The following COL20A1 variants were observed in gnomAD, a reference collection of about 807,000 sequenced individuals.
COL20A1 encodes collagen type XX alpha 1 chain.
Under a neutral mutation model 152.9 loss-of-function variants are expected in COL20A1, and 164 were observed. The ratio of observed to expected loss-of-function variants is 1.07; its 90% CI spans 0.94 to 1.22. The LOEUF (loss-of-function observed/expected upper bound fraction) is 1.22, where lower values mean the gene tolerates loss of function less well. Ranked by LOEUF, COL20A1 falls within the 50% of genes most tolerant of loss-of-function variation. The pLI, the probability that COL20A1 is intolerant of heterozygous loss-of-function variation, is 0.00. For synonymous variants in COL20A1, 864 were observed against 756.0 expected (o/e 1.14, Z -2.34); for missense variants, 1,873 against 1,744.8 (o/e 1.07, Z -1.31).
Position 63,312,054 on chromosome 20 carries a change from A to T in COL20A1, c.1802A>T (p.Gln601Leu). 1 of 1,567,528 alleles carries T rather than the reference A, an allele frequency of 6.4e-7. No homozygotes were observed. Among genetic ancestry groups the T allele is most frequent in the Middle Eastern group, 1.9e-4 (1 of 5,352 alleles). Residue 601 changes from glutamine (Q) to leucine (L), a missense_variant and splice_region_variant, in exon 14 of 36, where the codon CAG becomes CTG. Gln to Leu is a moderately radical substitution (Grantham distance 113). Coordinates refer to ENST00000358894, the MANE Select transcript of COL20A1 (RefSeq NM_020882.4). ...TCCAGCGAGGGTGGACACTCGGGGCAGGTGAGAGCAGAGCCCTCCGGGGGC... is the reference window on the plus strand; with the variant it reads ...TCCAGCGAGGGTGGACACTCGGGGCTGGTGAGAGCAGAGCCCTCCGGGGGC... ...YVSSEGGHSGQTEAPGNATSA... is the reference protein window; with the variant it reads ...YVSSEGGHSGLTEAPGNATSA...
At chr20:63,325,208 G>T in intron 27 of COL20A1, 1 of 678,036 alleles carries the variant, frequency 1.5e-6, no homozygotes. Flanking sequence ...GACCCAGAGG[G>T]GCCACAGGAG....
At position 63,320,057 on chromosome 20, in the gene COL20A1, C is replaced by T. The variant is rs538598641; in HGVS notation, c.2935C>T (p.Arg979Cys). 49 of 1,554,796 alleles carry T rather than the reference C, an allele frequency of 3.2e-5. No individual in the cohort carries two copies. Among genetic ancestry groups the T allele is most frequent in the Admixed American group, 9.7e-5 (5 of 51,646 alleles). The stretch of plus-strand genomic sequence containing the variant: ...CTCACAGGTGCACGTGGCTGTGGGC[C>T]GCTCCAAGGTCAGGCTCTATGTGGA... ...SFHKVHVAVG[R>C]SKVRLYVDCR... Residue 979 changes from arginine (R) to cysteine (C), a missense_variant, in exon 24 of 36, where the codon CGC (arginine) becomes TGC (cysteine). Coordinates refer to ENST00000358894, the MANE Select transcript of COL20A1 (RefSeq NM_020882.4).
rs2068127058 is a variant in COL20A1, at chr20:63,319,372, C to G, written c.2807-115C>G. On this transcript the variant is annotated intron_variant, in intron 22 of 35. Coordinates refer to ENST00000358894, the MANE Select transcript of COL20A1 (RefSeq NM_020882.4). This position sits in a 1 kb window ranked among gnomAD's most constrained non-coding sequence, Gnocchi z 4.4. ...GGCTGTGGGCCACATTGAGGGTCAC[C>G]TCCAGCTTGGCACCCTCAGGGCTGC... 1 of 1,078,048 alleles carries G rather than the reference C, an allele frequency of 9.3e-7. No individual in the cohort carries two copies. Among genetic ancestry groups the G allele is most frequent in the African/African-American group, 1.6e-5 (1 of 63,372 alleles). The allele number at this position is 1,078,048 out of a possible 1,614,324, so 66.8% of individuals were successfully genotyped here.
Position 63,307,196 on chromosome 20 carries a change from G to C in COL20A1, c.497-294G>C, listed in dbSNP as rs76948096. Among the ~76,000 whole-genome samples, 628 of 152,362 alleles carry C rather than the reference G, an allele frequency of 4.1e-3. 5 individuals carry two copies. The highest frequency in any genetic ancestry group is 0.014 in the African/African-American group (602 of 41,594). On this transcript the variant is annotated intron_variant, in intron 5 of 35. Transcript: ENST00000358894. ...GGTGCCCACCCTCCCCTCCTTGCCT[G>C]GTTTGCACCTGGTGGGCTTCTGGGC...
At chr20:63,300,792 TTTC>T (rs1205503761) in intron 3 of COL20A1, among the ~76,000 whole-genome samples, 1 of 152,240 alleles carries the variant, frequency 6.6e-6, no homozygotes, top group Non-Finnish European at 1.5e-5. Context: ...ACTATTGAAT[TTTC>T]TTCTAAGCAG....
At chr20:63,294,317 C>T (rs1359838613) in intron 1 of COL20A1, among the ~76,000 whole-genome samples, 2 of 151,448 alleles carry the variant, frequency 1.3e-5, no homozygotes, top group Admixed American at 6.6e-5. Flanking sequence ...ACATGCTCCC[C>T]ACCTCTCCGA....
intron 2 of COL20A1, among the ~76,000 whole-genome samples, chr20:63,297,355 A>C (rs1485787737): frequency 6.2e-5 from 8 of 129,654 alleles, no homozygotes; most frequent in Admixed American, 2.3e-4. Context: ...AGCCCAGGGG[A>C]CCCAGCTCAG....
At chr20:63,315,486 G>C in intron 20 of COL20A1, 47 bp downstream of exon 20, 6 of 1,511,870 alleles carry the variant, frequency 4.0e-6, no homozygotes, top group Non-Finnish European at 3.6e-6. Flanking sequence ...CAGTCTCTCG[G>C]GCTCTTCCTG....
chr20:63,306,803 A>C lies in COL20A1; in HGVS notation c.497-687A>C, dbSNP rs559806650. Among the ~76,000 whole-genome samples the C allele has an allele frequency of 6.6e-6, 1 of 152,278 alleles. No individual in the cohort carries two copies. The highest frequency in any genetic ancestry group is 1.9e-4 in the East Asian group (1 of 5,176). ...ATTCTACCTCCCCCGTCAGACTTGG[A>C]ACTGAAGGAAGTGTTCTCCTCAGAC... is the stretch of plus-strand genomic sequence containing the variant. On this transcript the variant is annotated intron_variant, in intron 5 of 35. Coordinates refer to ENST00000358894, the MANE Select transcript of COL20A1 (RefSeq NM_020882.4). The surrounding 1 kb of genome is among the most constrained non-coding windows in gnomAD (Gnocchi z 6.9).
Position 63,314,137 on chromosome 20 carries a change from G to C in COL20A1, c.2424G>C (p.Arg808Ser), listed in dbSNP as rs2068054248. Residue 808 changes from arginine to serine, a missense_variant, in exon 19 of 36, where the codon AGG becomes AGC. Transcript: ENST00000358894. ...LPDLQAATKY[R>S]VLVSAIYAAG... ...ACCTGCAGGCAGCCACGAAGTACAG[G>C]GTCCTGGTCTCAGCTATCTATGCAG... The C allele has an allele frequency of 1.2e-6, 2 of 1,608,198 alleles. No individual in the cohort carries two copies. The highest frequency in any genetic ancestry group is 3.4e-5 in the Admixed American group (2 of 59,288).
In COL20A1 at chr20:63,318,932, C is replaced by A. The variant is rs528850273; in HGVS notation, c.2664-126C>A. ...GGAAGGGTGTGCGGGTGCAGGGGTC[C>A]ACCATGACCCTCAGAGCAGCCTCAG... is the stretch of plus-strand genomic sequence containing the variant. On this transcript the variant is annotated intron_variant, in intron 21 of 35. Transcript: ENST00000358894. 5.3e-5 allele frequency: 39 copies of A among 733,180 alleles called. No individual in the cohort carries two copies. In the East Asian group the frequency reaches 5.5e-4, roughly 10 times the overall value. 45.4% of individuals were successfully genotyped at this position (733,180 alleles called of 1,614,324 possible). A position where few individuals can be genotyped will look rare whatever the true frequency, so the allele number is the denominator to read the frequency against.
intron 35 of COL20A1, among the ~76,000 whole-genome samples, chr20:63,330,486 CCTTG>C (rs776917190): frequency 5.3e-5 from 8 of 152,170 alleles, no homozygotes; most frequent in Non-Finnish European, 8.8e-5. Flanking sequence ...GAACAAGCAG[CCTTG>C]CTTCTCCTCC....
Position 63,325,433 on chromosome 20 carries a change from C to A in COL20A1, c.3295-8C>A, listed in dbSNP as rs1447437939. ...CGCTTCGCTGTCCAGCCCATCTTCC[C>A]CCTCCAGGGTCCACCAGGGGTCAAA... On this transcript the variant is annotated splice_region_variant and splice_polypyrimidine_tract_variant and intron_variant, in intron 27 of 35. Transcript: ENST00000358894. 6.2e-7 allele frequency: 1 copy of A among 1,611,046 alleles called. No individual in the cohort carries two copies. Among genetic ancestry groups the A allele is most frequent in the Non-Finnish European group, 8.5e-7 (1 of 1,177,872 alleles).
At chr20:63,321,913 C>CT in intron 26 of COL20A1, 145 bp from the exon 27 acceptor site, 1 of 595,524 alleles carries the variant, frequency 1.7e-6, no homozygotes, top group South Asian at 2.3e-5. Context: ...AACCCCTTCT[C>CT]TTCCCCTTGA....
intron 5 of COL20A1, among the ~76,000 whole-genome samples, chr20:63,307,060 C>T (rs2067934824): frequency 6.6e-6 from 1 of 152,232 alleles, no homozygotes; most frequent in African/African-American, 2.4e-5. Context: ...GGGCCCGCCT[C>T]ACCAGGCACT....
chr20:63,296,608 A>G (rs745397268), intron 2 of COL20A1, among the ~76,000 whole-genome samples: 31 of 152,172 alleles, frequency 2.0e-4, no homozygotes, highest in Non-Finnish European at 3.7e-4. Flanking sequence ...CTCAGGCCCC[A>G]ACAGTGCTGT....
At chr20:63,295,888 G>A (rs6090346) in intron 2 of COL20A1, among the ~76,000 whole-genome samples, 9,098 of 152,368 alleles carry the variant, frequency 0.06, 337 homozygotes, top group Middle Eastern at 0.11. Context: ...CTGGGCCAAC[G>A]CGGCGCCTCC....
In COL20A1 at chr20:63,296,812, T is replaced by A. The variant is rs371281180; in HGVS notation, c.83-1098T>A. On this transcript the variant is annotated intron_variant, in intron 2 of 35. Coordinates refer to ENST00000358894, the MANE Select transcript of COL20A1 (RefSeq NM_020882.4). ...CGGCCCAGCTGCTGCCTGCTCTGAA[T>A]GGGTCATTGTGTCTGCCCCAGTGCC... Among the ~76,000 whole-genome samples, 17 of 152,198 alleles carry A rather than the reference T, an allele frequency of 1.1e-4. 1 individual carries two copies. In the East Asian group the frequency reaches 2.7e-3, roughly 24 times the overall value.
intron 2 of COL20A1, among the ~76,000 whole-genome samples, chr20:63,295,975 C>T (rs1050760697): frequency 2.0e-5 from 3 of 152,280 alleles, no homozygotes; most frequent in Non-Finnish European, 4.4e-5. Flanking sequence ...AAAGGCAGCT[C>T]CCCCTTCTAC....
Sources: allele counts gnomAD v4.1 joint callset (sites outside exome capture counted in the v4.1 genomes callset), GRCh38; gene constraint gnomAD v4.1.1; non-coding constraint Gnocchi (gnomAD v3.1); transcripts MANE v1.5; gene names NCBI Gene and HGNC (gene_info 2026-07-23, HGNC 2026-07-21).